The following PIN1 variants were observed in gnomAD, a reference collection of about 807,000 sequenced individuals.
The protein encoded by PIN1 is peptidyl-prolyl cis-trans isomerase NIMA-interacting 1.
In PIN1, 8 loss-of-function variants were observed where a neutral mutation model predicts 19.9. The ratio of observed to expected loss-of-function variants is 0.40; its 90% confidence interval spans 0.24 to 0.72. The LOEUF (loss-of-function observed/expected upper bound fraction) is 0.72, where lower values mean the gene tolerates loss of function less well. PIN1 is among the 30% of genes least tolerant of loss of function. The pLI, the probability that PIN1 is intolerant of heterozygous loss-of-function variation, is 0.37. For missense variants in PIN1, 185 were observed against 226.5 expected, an observed-to-expected ratio of 0.82 and a Z score of 1.18; for synonymous variants, 86 against 90.8, an observed-to-expected ratio of 0.95 and a Z score of 0.30.
chr19:9,835,361 A>C lies in PIN1; in HGVS notation c.17A>C (p.Lys6Thr), dbSNP rs1446734459. 3 of 1,521,584 alleles carry C rather than the reference A, an allele frequency of 2.0e-6. No homozygotes were observed. The highest frequency in any genetic ancestry group is 2.6e-6 in the Non-Finnish European group (3 of 1,141,332). 94.3% of individuals were successfully genotyped at this position (1,521,584 alleles called of 1,614,324 possible). A position where few individuals can be genotyped will look rare whatever the true frequency, so the allele number is the denominator to read the frequency against. ...GGAGGGAAGATGGCGGACGAGGAGA[A>C]GCTGCCGCCCGGCTGGGAGAAGCGC... MADEEKLPPGWEKRMS... is the reference protein window; with the variant it reads MADEETLPPGWEKRMS... The change falls in exon 1 of 4, where the codon AAG (lysine) becomes ACG (threonine). Residue 6 changes from lysine (K) to threonine (T), a missense_variant. By Grantham distance (78) the Lys-to-Thr change is moderately conservative. Transcript: ENST00000247970.
At position 9,846,101 on chromosome 19, in the gene PIN1, G is replaced by T. The variant is rs1330986171; in HGVS notation, c.272-1929G>T. Among the ~76,000 whole-genome samples the T allele has an allele frequency of 3.3e-5, 5 of 152,182 alleles. No homozygotes were observed. Among genetic ancestry groups the T allele is most frequent in the African/African-American group, 7.2e-5 (3 of 41,442 alleles). On this transcript the variant is annotated intron_variant, in intron 2 of 3. Transcript: ENST00000247970. The surrounding 1 kb of genome is among the most constrained non-coding windows in gnomAD (Gnocchi z 5.9). ...TCCTAGCAACATCTGGTTTAAGTCG[G>T]AGTCACTGGTGGATGTGTCTGGCAC...
At chr19:9,843,487 CCTCA>C (rs1326673159) in intron 2 of PIN1, among the ~76,000 whole-genome samples, 1 of 152,266 alleles carries the variant, frequency 6.6e-6, no homozygotes, top group Non-Finnish European at 1.5e-5. Context: ...CCATTTGTTC[CCTCA>C]CTCCCACCTA....
intron 2 of PIN1, among the ~76,000 whole-genome samples, chr19:9,843,116 C>T (rs539745477): frequency 2.0e-5 from 3 of 152,254 alleles, no homozygotes; most frequent in Non-Finnish European, 4.4e-5. Context: ...TGCCCGCTCT[C>T]CACCCAGATC....
chr19:9,841,878 G>T (rs1369355140), intron 2 of PIN1, among the ~76,000 whole-genome samples: 2 of 152,182 alleles, frequency 1.3e-5, no homozygotes, highest in Non-Finnish European at 2.9e-5. Flanking sequence ...GTGGGCTCCT[G>T]GGGGTCAGCA....
intron 3 of PIN1, 86 bp from the exon 4 acceptor site, chr19:9,849,003 CA>C: frequency 2.6e-6 from 2 of 767,412 alleles, no homozygotes; most frequent in Admixed American, 4.0e-5. Context: ...GCAGGAGCCC[CA>C]TCTGTCGCGG....
Position 9,838,659 on chromosome 19 carries a change from C to T in PIN1, c.271+11C>T, listed in dbSNP as rs1367363273. On this transcript the variant is annotated intron_variant, in intron 2 of 3. Transcript: ENST00000247970. The surrounding 1 kb of genome is among the most constrained non-coding windows in gnomAD (Gnocchi z 5.8). ...TGGAGCTGATCAACGGTGAGCAGGG[C>T]GAGGGCAGGGGCTTGGGAGGGGGTC... The T allele has an allele frequency of 7.8e-6, 12 of 1,532,154 alleles. No homozygotes were observed. Among genetic ancestry groups the T allele is most frequent in the Admixed American group, 2.0e-5 (1 of 50,880 alleles). The allele number at this position is 1,532,154 out of a possible 1,614,324, so 94.9% of individuals were successfully genotyped here. A position where few individuals can be genotyped will look rare whatever the true frequency, so the allele number is the denominator to read the frequency against.
chr19:9,842,410 G>A (rs547394740), intron 2 of PIN1, among the ~76,000 whole-genome samples: 18 of 152,316 alleles, frequency 1.2e-4, no homozygotes, highest in African/African-American at 4.1e-4. Flanking sequence ...GTGGCTATGA[G>A]GATCCAGGAG....
intron 2 of PIN1, among the ~76,000 whole-genome samples, chr19:9,845,373 G>GTTTT (rs1351997645): frequency 1.7e-5 from 2 of 114,634 alleles, no homozygotes; most frequent in African/African-American, 2.9e-5. Flanking sequence ...AAGAGAAAGC[G>GTTTT]TTTTTTTGTT....
At chr19:9,836,021 T>C (rs2046100413) in intron 1 of PIN1, 1 of 152,278 alleles carries the variant, frequency 6.6e-6, no homozygotes, top group Non-Finnish European at 1.5e-5. Flanking sequence ...AGGTAGTTAT[T>C]ACTTCCACCT....
At chr19:9,847,980 G>GC (rs752935955) in intron 2 of PIN1, 50 bp from the exon 3 acceptor site, 920 of 1,185,328 alleles carry the variant, frequency 7.8e-4, no homozygotes, top group Middle Eastern at 1.2e-3. Context: ...GTCTGGTCAG[G>GC]CCCCCCCCAA....
intron 2 of PIN1, among the ~76,000 whole-genome samples, chr19:9,847,734 G>A (rs1345336673): frequency 2.6e-5 from 4 of 152,328 alleles, no homozygotes; most frequent in South Asian, 2.1e-4. Context: ...GAGTGACAGC[G>A]GGAGCAGGGA....
At chr19:9,840,001 A>G (rs117570234) in intron 2 of PIN1, among the ~76,000 whole-genome samples, 2,530 of 152,282 alleles carry the variant, frequency 0.017, 44 homozygotes, top group Admixed American at 0.053. Context: ...CCCTGTCTCA[A>G]AAATAAATAA....
chr19:9,838,271 T>C lies in PIN1; in HGVS notation c.59-165T>C, dbSNP rs1013320965. On this transcript the variant is annotated intron_variant, in intron 1 of 3. Coordinates refer to ENST00000247970, the MANE Select transcript of PIN1 (RefSeq NM_006221.4). The surrounding 1 kb of genome is among the most constrained non-coding windows in gnomAD (Gnocchi z 5.8). ...AGGGCAGGGACTGTATCCTGCCACA[T>C]TGGCCCACGTCTGGAGAGCCTGTGG... 8 of 694,004 alleles carry C rather than the reference T, an allele frequency of 1.2e-5. No homozygotes were observed. Among genetic ancestry groups the C allele is most frequent in the Non-Finnish European group, 2.1e-5 (8 of 375,572 alleles). 43.0% of individuals were successfully genotyped at this position (694,004 alleles called of 1,614,324 possible).
Position 9,838,774 on chromosome 19 carries a change from C to T in PIN1, c.271+126C>T, listed in dbSNP as rs568883049. The T allele has an allele frequency of 8.2e-5, 58 of 705,390 alleles. No individual in the cohort carries two copies. Among genetic ancestry groups the T allele is most frequent in the African/African-American group, 8.0e-4 (45 of 56,538 alleles). 43.7% of individuals were successfully genotyped at this position (705,390 alleles called of 1,614,324 possible). On this transcript the variant is annotated intron_variant, in intron 2 of 3. Transcript: ENST00000247970. The surrounding 1 kb of genome is among the most constrained non-coding windows in gnomAD (Gnocchi z 5.8). ...GGCGTGGTGTTGGCCAACACAAAAA[C>T]GCCAGTGCATGACCTGACCCTGACC...
At chr19:9,840,032 T>C (rs992741381) in intron 2 of PIN1, among the ~76,000 whole-genome samples, 2 of 152,098 alleles carry the variant, frequency 1.3e-5, no homozygotes, top group Admixed American at 6.6e-5. Context: ...AAAATTGGTT[T>C]CTCAATTGCA....
chr19:9,849,085 C>G lies in PIN1; in HGVS notation c.383-5C>G. 1 of 1,606,698 alleles carries G rather than the reference C, an allele frequency of 6.2e-7. No homozygotes were observed. The highest frequency in any genetic ancestry group is 8.5e-7 in the Non-Finnish European group (1 of 1,173,578). ...GACACCCCCACCGCCCCTCCTGGCT[C>G]CCAGGTCAGATGCAGAAGCCATTTG... On this transcript the variant is annotated splice_polypyrimidine_tract_variant and splice_region_variant and intron_variant, in intron 3 of 3. Transcript: ENST00000247970.
At chr19:9,844,501 T>C (rs1377260713) in intron 2 of PIN1, among the ~76,000 whole-genome samples, 1 of 152,146 alleles carries the variant, frequency 6.6e-6, no homozygotes, top group East Asian at 1.9e-4. Context: ...CCAGCACAGA[T>C]AGGTGCCATT....
chr19:9,846,928 C>T lies in PIN1; in HGVS notation c.272-1102C>T, dbSNP rs1489033834. Among the ~76,000 whole-genome samples the T allele has an allele frequency of 1.3e-5, 2 of 152,086 alleles. No individual in the cohort carries two copies. The highest frequency in any genetic ancestry group is 2.1e-4 in the South Asian group (1 of 4,830). On this transcript the variant is annotated intron_variant, in intron 2 of 3. Transcript: ENST00000247970. This position sits in a 1 kb window ranked among gnomAD's most constrained non-coding sequence, Gnocchi z 5.9. The stretch of plus-strand genomic sequence containing the variant: ...CTGCCAGGCCTTAGGGTACACGGGG[C>T]GGGTGCAGTTCACCCAGAGGGCTGC...
rs2046218519 is a variant in PIN1 at position 9,846,176 on chromosome 19, AGGGCATCAC to A, written c.272-1848_272-1840del. On this transcript the variant is annotated intron_variant, in intron 2 of 3. Coordinates refer to ENST00000247970, the MANE Select transcript of PIN1 (RefSeq NM_006221.4). The surrounding 1 kb of genome is among the most constrained non-coding windows in gnomAD (Gnocchi z 5.9). ...GGAAGCGGGGCATTCTGATCAAACC[AGGGCATCAC>A]GGGCAGAAGCCTCTGTAATGTGCCA... 6.6e-6 allele frequency among the ~76,000 whole-genome samples: 1 copy of A among 152,240 alleles called. No individual in the cohort carries two copies. The highest frequency in any genetic ancestry group is 1.5e-5 in the Non-Finnish European group (1 of 68,046).
Sources: allele counts gnomAD v4.1 joint callset (sites outside exome capture counted in the v4.1 genomes callset), GRCh38; gene constraint gnomAD v4.1.1; non-coding constraint Gnocchi (gnomAD v3.1); transcripts MANE v1.5; gene names NCBI Gene and HGNC (gene_info 2026-07-23, HGNC 2026-07-21).